The following IL34 variants were observed in gnomAD, a reference collection of about 807,000 sequenced individuals.
The protein encoded by IL34 is interleukin-34.
Under a neutral mutation model 25.3 loss-of-function variants are expected in IL34, and 17 were observed. The observed-to-expected ratio is 0.67, with a 90% CI of 0.46 to 1.01. The LOEUF is 1.01. Among genes scored for constraint, IL34 ranks in the 50% least tolerant of loss-of-function variants. The pLI, the probability that IL34 is intolerant of heterozygous loss-of-function variation, is 0.00. For synonymous variants in IL34, 174 were observed against 140.9 expected, an observed-to-expected ratio of 1.23 and a Z score of -1.66; for missense variants, 368 against 312.9, an observed-to-expected ratio of 1.18 and a Z score of -1.33.
intron 1 of IL34, among the ~76,000 whole-genome samples, chr16:70,596,936 T>C (rs2050831980): frequency 6.6e-6 from 1 of 152,002 alleles, no homozygotes; most frequent in Non-Finnish European, 1.5e-5. Context: ...AGACCTGTAC[T>C]TGTACCCATA....
At chr16:70,627,637 C>A (rs889571147) in intron 1 of IL34, among the ~76,000 whole-genome samples, 2 of 151,920 alleles carry the variant, frequency 1.3e-5, no homozygotes, top group Admixed American at 1.3e-4. Context: ...CCTGGCTAAT[C>A]TTTTTATTTT....
At chr16:70,589,486 C>T (rs1337029965) in intron 1 of IL34, among the ~76,000 whole-genome samples, 2 of 152,122 alleles carry the variant, frequency 1.3e-5, no homozygotes, top group African/African-American at 2.4e-5. Context: ...TGAGAAAGTG[C>T]AGTATTTGGT....
intron 5 of IL34, 45 bp downstream of exon 5, chr16:70,659,798 C>T: frequency 6.4e-7 from 1 of 1,569,074 alleles, no homozygotes; most frequent in South Asian, 1.2e-5. Flanking sequence ...GGAGGCCAGG[C>T]ATCTGGGCCC....
Position 70,620,251 on chromosome 16 carries a change from A to G in IL34, c.-400-26297A>G, listed in dbSNP as rs548556489. ...TCTCAAGGTTGCAGCCAAACAAGAC[A>G]TGAACTGGGCTGGATTTTTATACTT... is the stretch of plus-strand genomic sequence containing the variant. On this transcript the variant is annotated intron_variant, in intron 1 of 6. Coordinates refer to the IL34 transcript ENST00000429149. Among the ~76,000 whole-genome samples the G allele has an allele frequency of 5.9e-5, 9 of 152,174 alleles. No individual in the cohort carries two copies. The East Asian group carries it at 1.2e-3, about 20-fold the overall frequency.
At chr16:70,648,086 G>A (rs1020867773) in intron 1 of IL34, among the ~76,000 whole-genome samples, 6 of 152,232 alleles carry the variant, frequency 3.9e-5, no homozygotes, top group African/African-American at 1.4e-4. Context: ...CAAGCAAAGT[G>A]TGCCTCCCTC....
chr16:70,586,205 C>T (rs1448336576), intron 1 of IL34, among the ~76,000 whole-genome samples: 1 of 152,178 alleles, frequency 6.6e-6, no homozygotes, highest in African/African-American at 2.4e-5. Flanking sequence ...TATCTATTTA[C>T]CTGTCAACAG....
At chr16:70,626,545 C>T (rs543669515) in intron 1 of IL34, among the ~76,000 whole-genome samples, 98 of 151,942 alleles carry the variant, frequency 6.4e-4, no homozygotes, top group Non-Finnish European at 9.6e-4. Flanking sequence ...TACAGGCATG[C>T]GCCACCACGC....
intron 1 of IL34, 163 bp from the exon 2 acceptor site, chr16:70,654,375 A>G: frequency 1.1e-6 from 1 of 898,716 alleles, no homozygotes. Flanking sequence ...CTGGAGCCAG[A>G]CCCCAGGGAA....
intron 1 of IL34, among the ~76,000 whole-genome samples, chr16:70,633,390 A>G (rs935340374): frequency 6.6e-6 from 1 of 151,912 alleles, no homozygotes; most frequent in Non-Finnish European, 1.5e-5. Context: ...AGTAGCTGGG[A>G]CCACAGGTGA....
intron 1 of IL34, among the ~76,000 whole-genome samples, chr16:70,641,532 C>A (rs981172217): frequency 6.8e-6 from 1 of 147,954 alleles, no homozygotes; most frequent in Non-Finnish European, 1.5e-5. Flanking sequence ...TTCCTCCCTC[C>A]CTCCCTTCCT....
At chr16:70,617,857 T>C in intron 1 of IL34, among the ~76,000 whole-genome samples, 1 of 151,826 alleles carries the variant, frequency 6.6e-6, no homozygotes, top group African/African-American at 2.4e-5. Flanking sequence ...GAATTATGTC[T>C]GACAGAAGGG....
chr16:70,583,123 T>G (rs545196148), intron 1 of IL34, among the ~76,000 whole-genome samples: 8 of 151,686 alleles, frequency 5.3e-5, no homozygotes, highest in Middle Eastern at 3.4e-3. Flanking sequence ...TTGTTGTTTG[T>G]CTTTTTTGAG....
At chr16:70,597,579 C>T (rs2151814074) in intron 1 of IL34, among the ~76,000 whole-genome samples, 1 of 152,268 alleles carries the variant, frequency 6.6e-6, no homozygotes. Context: ...AAGGACTAAT[C>T]CAGAAAGACT....
intron 1 of IL34, among the ~76,000 whole-genome samples, chr16:70,626,394 G>GT (rs970473678): frequency 7.2e-5 from 11 of 152,004 alleles, no homozygotes; most frequent in Admixed American, 2.0e-4. Context: ...GGGTTTGTTT[G>GT]TTTTTGTTTT....
intron 1 of IL34, among the ~76,000 whole-genome samples, chr16:70,641,515 C>CCCTCCCTT (rs1157044243): frequency 7.0e-6 from 1 of 142,916 alleles, no homozygotes; most frequent in Non-Finnish European, 1.5e-5. Flanking sequence ...CTCTCTCCCT[C>CCCTCCCTT]CCTCCCTTCC....
intron 1 of IL34, among the ~76,000 whole-genome samples, chr16:70,584,646 C>T (rs1320107469): frequency 6.6e-6 from 1 of 152,154 alleles, no homozygotes; most frequent in Admixed American, 6.6e-5. Flanking sequence ...TATTCCCTTG[C>T]CTCTTTCCCA....
intron 1 of IL34, among the ~76,000 whole-genome samples, chr16:70,648,214 G>A (rs908865051): frequency 6.6e-5 from 10 of 152,318 alleles, no homozygotes; most frequent in Non-Finnish European, 1.0e-4. Context: ...TGCTGTCACC[G>A]TCTGTGCAGG....
chr16:70,655,266 T>A lies in IL34; in HGVS notation c.162+595T>A, dbSNP rs1356701648. 2.6e-5 allele frequency among the ~76,000 whole-genome samples: 4 copies of A among 151,764 alleles called. No homozygotes were observed. In the East Asian group the frequency reaches 7.8e-4, roughly 30 times the overall value. On this transcript the variant is annotated intron_variant, in intron 2 of 5. Transcript: ENST00000288098. ...CGGGGTTTCACCATGTTAGTCAGGA[T>A]GGTCTCCATCTCTTGACCTCGTGAT...
At chr16:70,644,896 AAGGAGGAAGAGGAGGGAGGAGAAGG>A (rs2051878206), upstream of IL34, among the ~76,000 whole-genome samples, 1 of 122,384 alleles carries the variant, frequency 8.2e-6, no homozygotes, top group Non-Finnish European at 1.7e-5. Flanking sequence ...GTGGAAGAGG[AAGGAGGAAGAGGAGGGAGGAGAAGG>A]AGGAGGAAGG....
Sources: allele counts gnomAD v4.1 joint callset (sites outside exome capture counted in the v4.1 genomes callset), GRCh38; gene constraint gnomAD v4.1.1; transcripts MANE v1.5; gene names NCBI Gene and HGNC (gene_info 2026-07-23, HGNC 2026-07-21).